The following ERICH1 variants were observed in gnomAD, a reference collection of about 807,000 sequenced individuals.
ERICH1 encodes glutamate-rich protein 1.
A neutral mutation model predicts 39.6 loss-of-function variants in ERICH1; 56 were observed. The ratio of observed to expected loss-of-function variants is 1.41; its 90% CI spans 1.14 to 1.77. The LOEUF is 1.77. Ranked by LOEUF, ERICH1 falls within the 40% of genes most tolerant of loss-of-function variation. The pLI, the probability that ERICH1 is intolerant of heterozygous loss-of-function variation, is 0.00. For missense variants in ERICH1, 826 were observed against 575.4 expected (o/e 1.44, Z -4.45); for synonymous variants, 313 against 223.6 (o/e 1.40, Z -3.57).
intron 3 of ERICH1, among the ~76,000 whole-genome samples, chr8:631,601 G>A (rs1190453417): frequency 6.6e-6 from 1 of 152,166 alleles, no homozygotes; most frequent in Non-Finnish European, 1.5e-5. Context: ...CCAGGGAGTG[G>A]GGGCAATGCC....
chr8:634,385 T>C (rs1798266593), intron 3 of ERICH1, among the ~76,000 whole-genome samples: 1 of 151,966 alleles, frequency 6.6e-6, no homozygotes, highest in African/African-American at 2.4e-5. Flanking sequence ...TTGGCGGGAA[T>C]GTGAAATGGT....
At chr8:682,548 C>A (rs550590138) in intron 3 of ERICH1, among the ~76,000 whole-genome samples, 2 of 152,216 alleles carry the variant, frequency 1.3e-5, no homozygotes, top group Admixed American at 6.5e-5. Context: ...GGGAGGTCTA[C>A]GCCCTTCACA....
intron 3 of ERICH1, among the ~76,000 whole-genome samples, chr8:631,023 C>T (rs1409623483): frequency 6.6e-6 from 1 of 151,620 alleles, no homozygotes; most frequent in Non-Finnish European, 1.5e-5. Flanking sequence ...AGAGCTGACT[C>T]ACACCCTCCC....
intron 3 of ERICH1, among the ~76,000 whole-genome samples, chr8:682,503 A>AG (rs1411999843): frequency 6.6e-6 from 1 of 152,164 alleles, no homozygotes; most frequent in Admixed American, 6.5e-5. Context: ...GAACCACTCC[A>AG]GAGACTCCAG....
intron 3 of ERICH1, chr8:656,717 T>C: frequency 1.0e-6 from 1 of 980,352 alleles, no homozygotes; most frequent in Non-Finnish European, 1.2e-6. Context: ...TCTTTCCTGC[T>C]GCAGGTCTGG....
chr8:683,355 A>G (rs1806562536), intron 3 of ERICH1, among the ~76,000 whole-genome samples: 2 of 152,186 alleles, frequency 1.3e-5, no homozygotes, highest in South Asian at 2.1e-4. Flanking sequence ...CCTGGGACAG[A>G]GACTTCTCCC....
chr8:668,445 C>T (rs1053639261), intron 5 of ERICH1, 153 bp downstream of exon 5: 2 of 688,626 alleles, frequency 2.9e-6, no homozygotes, highest in South Asian at 1.8e-5. Flanking sequence ...ATGCAGGAAG[C>T]CTGTTTCTCT....
intron 3 of ERICH1, among the ~76,000 whole-genome samples, chr8:627,858 G>C (rs1283355249): frequency 6.6e-6 from 1 of 152,206 alleles, no homozygotes; most frequent in Non-Finnish European, 1.5e-5. Flanking sequence ...AGGAACAGGA[G>C]GGTGAGGACC....
At chr8:632,626 G>C (rs1798114395) in intron 3 of ERICH1, among the ~76,000 whole-genome samples, 2 of 152,142 alleles carry the variant, frequency 1.3e-5, no homozygotes, top group Admixed American at 1.3e-4. Context: ...CCAAAGAAAG[G>C]GGCAGACGTT....
chr8:719,966 G>A (rs138105475), intron 1 of ERICH1, among the ~76,000 whole-genome samples: 4 of 149,062 alleles, frequency 2.7e-5, no homozygotes, highest in Non-Finnish European at 5.9e-5. Flanking sequence ...GGCCCTACAA[G>A]GTACCGCAGG....
At chr8:690,201 C>T (rs77271605) in intron 3 of ERICH1, among the ~76,000 whole-genome samples, 1,588 of 152,260 alleles carry the variant, frequency 0.01, 25 homozygotes, top group African/African-American at 0.034. Flanking sequence ...TCCCACAGCC[C>T]GTCTCCTTCC....
rs781265770 is a variant in ERICH1, at chr8:731,150, G to A, written c.12C>T (p.His4=). The part of the protein sequence containing the change: MAA[H]RKHVFVEKVL... Reference sequence around the variant, plus strand: ...ACCGCACCCACCTACCGTGCTTCCTGTGCGCCGCCATGCGGGACCCTGCCG... The same window carrying A: ...ACCGCACCCACCTACCGTGCTTCCTATGCGCCGCCATGCGGGACCCTGCCG... The change falls in exon 1 of 6, where the codon CAC becomes CAT. Residue 4 remains histidine, a synonymous_variant. Coordinates refer to ENST00000262109, the MANE Select transcript of ERICH1 (RefSeq NM_207332.3). The A allele has an allele frequency of 8.6e-6, 13 of 1,518,624 alleles. No individual in the cohort carries two copies. The highest frequency in any genetic ancestry group is 2.7e-5 in the East Asian group (1 of 37,100). The allele number at this position is 1,518,624 out of a possible 1,614,324, so 94.1% of individuals were successfully genotyped here.
At chr8:636,485 G>T (rs2117167080) in intron 3 of ERICH1, among the ~76,000 whole-genome samples, 1 of 152,354 alleles carries the variant, frequency 6.6e-6, no homozygotes, top group Admixed American at 6.5e-5. Context: ...CTTTAGCTCA[G>T]AATCGGGGCA....
At chr8:625,480 T>A (rs548383087) in intron 3 of ERICH1, among the ~76,000 whole-genome samples, 2 of 152,228 alleles carry the variant, frequency 1.3e-5, no homozygotes, top group South Asian at 2.1e-4. Context: ...GTACGGGGTC[T>A]GGGTGCATGG....
intron 3 of ERICH1, among the ~76,000 whole-genome samples, chr8:682,024 T>A (rs1806241887): frequency 6.6e-6 from 1 of 152,116 alleles, no homozygotes; most frequent in Admixed American, 6.6e-5. Context: ...CTCAGAAGTT[T>A]TCCATCCACC....
chr8:650,709 G>A (rs1323238703), intron 3 of ERICH1, among the ~76,000 whole-genome samples: 1 of 152,224 alleles, frequency 6.6e-6, no homozygotes, highest in Non-Finnish European at 1.5e-5. Flanking sequence ...ACCCTGAAGA[G>A]GGTGCAGCCA....
intron 5 of ERICH1, chr8:666,248 C>T (rs1484948450): frequency 2.0e-5 from 3 of 152,100 alleles, no homozygotes; most frequent in Admixed American, 2.0e-4. Flanking sequence ...TGGTGAATTT[C>T]AGAAAAGCCT....
chr8:624,691 C>A (rs11782786), intron 3 of ERICH1, among the ~76,000 whole-genome samples: 5 of 151,542 alleles, frequency 3.3e-5, no homozygotes, highest in African/African-American at 7.3e-5. Context: ...AAGGGGGAGG[C>A]GCTACACACT....
At chr8:616,371 C>T (rs1048190863) in intron 3 of ERICH1, 17 of 352,636 alleles carry the variant, frequency 4.8e-5, no homozygotes, top group Non-Finnish European at 9.1e-5. Flanking sequence ...CAGGTGTGGG[C>T]GGCCGCCGTC....
Sources: gnomAD v4.1 joint callset for allele counts (sites outside exome capture counted in the v4.1 genomes callset) on GRCh38, gnomAD v4.1.1 for gene constraint, MANE v1.5 for transcripts, NCBI Gene and HGNC (gene_info 2026-07-23, HGNC 2026-07-21) for gene names.